Variants in TIAM1 observed in about 807,000 individuals in gnomAD.
TIAM1 encodes the protein TIAM Rac1 associated GEF 1, also known as rho guanine nucleotide exchange factor TIAM1.
In TIAM1, 65 loss-of-function variants were observed where a neutral mutation model predicts 163.5. That is an observed-to-expected ratio of 0.40 (90% CI 0.33 to 0.49). The LOEUF (loss-of-function observed/expected upper bound fraction) is 0.49, where lower values mean the gene tolerates loss of function less well. Among genes scored for constraint, TIAM1 ranks in the 20% least tolerant of loss-of-function variants. The probability of loss-of-function intolerance (pLI) is 0.77; values close to 1 mark genes in which losing one functional copy is unlikely to be tolerated. For synonymous variants in TIAM1, 833 were observed against 810.1 expected (o/e 1.03, Z -0.48); for missense variants, 1,789 against 2,044.7 (o/e 0.87, Z 2.41).
chr21:31,352,573 C>G (rs1294116201), intron 2 of TIAM1, among the ~76,000 whole-genome samples: 1 of 150,120 alleles, frequency 6.7e-6, no homozygotes, highest in Non-Finnish European at 1.5e-5. Context: ...AGCTGCTGGC[C>G]TGGTACAGTG....
chr21:31,519,916 G>A (rs1350064789), intron 1 of TIAM1, among the ~76,000 whole-genome samples: 1 of 147,896 alleles, frequency 6.8e-6, no homozygotes, highest in Non-Finnish European at 1.5e-5. Context: ...GGGAGTTATT[G>A]TTGAATGGGT....
chr21:31,313,049 T>C (rs902332431), intron 2 of TIAM1, among the ~76,000 whole-genome samples: 8 of 152,150 alleles, frequency 5.3e-5, no homozygotes, highest in African/African-American at 1.4e-4. Context: ...GCAAAAAGAA[T>C]GTTTCTGTGC....
chr21:31,435,288 A>T (rs1432354186), intron 2 of TIAM1, among the ~76,000 whole-genome samples: 2 of 152,228 alleles, frequency 1.3e-5, no homozygotes, highest in African/African-American at 4.8e-5. Flanking sequence ...GAAGATAAAA[A>T]GGGTTTACTT....
intron 9 of TIAM1, among the ~76,000 whole-genome samples, chr21:31,213,904 C>T (rs553239731): frequency 1.3e-4 from 19 of 149,736 alleles, no homozygotes; most frequent in African/African-American, 4.5e-4. Context: ...TTAAATTAGC[C>T]AGGCATGGTG....
rs1256345879 is a variant in TIAM1, at chr21:31,500,476, G to A, written c.-421-36441C>T. Among the ~76,000 whole-genome samples, 7 of 152,170 alleles carry A rather than the reference G, an allele frequency of 4.6e-5. No individual in the cohort carries two copies. The East Asian group carries it at 9.6e-4, about 21-fold the overall frequency. ...CCAGCACACAAGTCCTCTGTTAGGG[G>A]TTTAACCGGGTCTCCCAGAAAGATA... On this transcript the variant is annotated intron_variant, in intron 1 of 28. Coordinates refer to the TIAM1 transcript ENST00000286827.
At chr21:31,233,692 C>G (rs529641168) in intron 6 of TIAM1, among the ~76,000 whole-genome samples, 1 of 152,126 alleles carries the variant, frequency 6.6e-6, no homozygotes, top group Non-Finnish European at 1.5e-5. Flanking sequence ...GCAACAAGAG[C>G]GAGACTCCGT....
At chr21:31,541,490 C>CA (rs1221241197) in intron 1 of TIAM1, among the ~76,000 whole-genome samples, 1 of 151,574 alleles carries the variant, frequency 6.6e-6, no homozygotes, top group Non-Finnish European at 1.5e-5. Flanking sequence ...AGAAAAAGGT[C>CA]AAAAAAGATT....
At chr21:31,387,195 CTTTTTTTT>C (rs60592178) in intron 2 of TIAM1, among the ~76,000 whole-genome samples, 17,354 of 76,508 alleles carry the variant, frequency 0.23, 1,529 homozygotes, top group Middle Eastern at 0.45. Context: ...AGCTTATTCT[CTTTTTTTT>C]TTTTTTTTTT....
At position 31,190,540 on chromosome 21, in the gene TIAM1, T is replaced by A. The variant is rs1434188253; in HGVS notation, c.2576-3453A>T. On this transcript the variant is annotated intron_variant, in intron 13 of 27. Coordinates refer to ENST00000541036, the MANE Select transcript of TIAM1 (RefSeq NM_001353694.2). ...GTCCAGGATACAATGAAAATTCAGA[T>A]AACAAGCACAGGCACCTATAACATG... is the stretch of plus-strand genomic sequence containing the variant. 2.6e-5 allele frequency among the ~76,000 whole-genome samples: 4 copies of A among 152,132 alleles called. No individual in the cohort carries two copies. The East Asian group carries it at 5.8e-4, about 22-fold the overall frequency.
intron 2 of TIAM1, among the ~76,000 whole-genome samples, chr21:31,419,534 C>T (rs567215165): frequency 6.6e-6 from 1 of 152,282 alleles, no homozygotes; most frequent in South Asian, 2.1e-4. Flanking sequence ...CTGATGACAG[C>T]ATTTAAAACC....
chr21:31,199,460 G>A (rs1264418749), intron 12 of TIAM1, among the ~76,000 whole-genome samples: 1 of 151,004 alleles, frequency 6.6e-6, no homozygotes, highest in Non-Finnish European at 1.5e-5. Flanking sequence ...CAAACACCAG[G>A]TAAGCCACCT....
intron 15 of TIAM1, among the ~76,000 whole-genome samples, chr21:31,175,389 AAG>A (rs886334438): frequency 3.0e-4 from 45 of 152,212 alleles, no homozygotes; most frequent in Non-Finnish European, 6.3e-4. Flanking sequence ...CGTGAACCCA[AAG>A]AGAGAGAGAA....
At chr21:31,531,841 G>A (rs1025196535) in intron 1 of TIAM1, among the ~76,000 whole-genome samples, 8 of 151,962 alleles carry the variant, frequency 5.3e-5, no homozygotes, top group African/African-American at 9.7e-5. Flanking sequence ...AGAAGGCCAG[G>A]CACGGTGGCT....
chr21:31,135,411 C>T (rs888258921), intron 23 of TIAM1, among the ~76,000 whole-genome samples: 2 of 152,144 alleles, frequency 1.3e-5, no homozygotes, highest in South Asian at 4.1e-4. Context: ...AGTGGCAATG[C>T]GATTGGGATG....
At chr21:31,198,594 G>A (rs2086008074) in intron 12 of TIAM1, among the ~76,000 whole-genome samples, 1 of 152,146 alleles carries the variant, frequency 6.6e-6, no homozygotes, top group Non-Finnish European at 1.5e-5. Flanking sequence ...AATGCTCAAG[G>A]AAATGTTATC....
intron 1 of TIAM1, among the ~76,000 whole-genome samples, chr21:31,558,032 A>T (rs1432403650): frequency 6.6e-6 from 1 of 151,974 alleles, no homozygotes; most frequent in Non-Finnish European, 1.5e-5. Context: ...GTCACCTGAC[A>T]GCGCGCAACA....
chr21:31,307,044 A>T (rs1326814735), intron 2 of TIAM1, among the ~76,000 whole-genome samples: 2 of 151,646 alleles, frequency 1.3e-5, no homozygotes, highest in East Asian at 3.9e-4. Flanking sequence ...GTTTGTGTCA[A>T]TTTCAAAACA....
intron 1 of TIAM1, among the ~76,000 whole-genome samples, chr21:31,476,630 C>T (rs918802671): frequency 3.9e-5 from 6 of 152,160 alleles, no homozygotes; most frequent in African/African-American, 1.4e-4. Context: ...GGCAGCCAAC[C>T]AAATGATGGG....
chr21:31,192,093 G>C (rs981965693), intron 13 of TIAM1, among the ~76,000 whole-genome samples: 1 of 152,158 alleles, frequency 6.6e-6, no homozygotes, highest in Non-Finnish European at 1.5e-5. Flanking sequence ...TCCTTGCCAT[G>C]AGAAACATTC....
Sources: allele counts gnomAD v4.1 joint callset (sites outside exome capture counted in the v4.1 genomes callset), GRCh38; gene constraint gnomAD v4.1.1; transcripts MANE v1.5; gene names NCBI Gene and HGNC (gene_info 2026-07-23, HGNC 2026-07-21).